ROBO2: variants seen among roughly 807,000 people sequenced by gnomAD.
The protein encoded by ROBO2 is roundabout homolog 2.
A neutral mutation model predicts 160.8 loss-of-function variants in ROBO2; 53 were observed. That is an observed-to-expected ratio of 0.33 (90% CI 0.26 to 0.41). The LOEUF (loss-of-function observed/expected upper bound fraction) is 0.41. Among genes scored for constraint, ROBO2 ranks in the 10% least tolerant of loss-of-function variants. ROBO2 has a pLI of 1.00. For synonymous variants in ROBO2, 664 were observed against 611.7 expected (o/e 1.09, Z -1.26); for missense variants, 1,577 against 1,722.4 (o/e 0.92, Z 1.49).
intron 2 of ROBO2, among the ~76,000 whole-genome samples, chr3:76,855,175 C>G (rs77645526): frequency 0.02 from 3,055 of 152,238 alleles, 89 homozygotes; most frequent in East Asian, 0.12. Flanking sequence ...CATTTCTAAG[C>G]CTTCAAAACA....
At chr3:77,305,250 T>C (rs1321396006) in intron 2 of ROBO2, among the ~76,000 whole-genome samples, 2 of 152,230 alleles carry the variant, frequency 1.3e-5, no homozygotes, top group East Asian at 1.9e-4. Context: ...TTATTGTCAA[T>C]GTGGAATTTT....
intron 2 of ROBO2, among the ~76,000 whole-genome samples, chr3:76,659,483 C>A (rs1300702326): frequency 6.6e-6 from 1 of 151,584 alleles, no homozygotes; most frequent in Non-Finnish European, 1.5e-5. Flanking sequence ...CAGTATATTG[C>A]TCTGTATTCT....
intron 2 of ROBO2, among the ~76,000 whole-genome samples, chr3:77,001,741 C>T (rs897693662): frequency 6.6e-6 from 1 of 152,102 alleles, no homozygotes; most frequent in African/African-American, 2.4e-5. Context: ...CATGAACATC[C>T]TTCTAATCCT....
intron 2 of ROBO2, among the ~76,000 whole-genome samples, chr3:76,171,511 T>C (rs1431769596): frequency 6.6e-6 from 1 of 152,066 alleles, no homozygotes; most frequent in African/African-American, 2.4e-5. Flanking sequence ...AGGAACTTTA[T>C]AATGATTATG....
chr3:76,961,915 T>TA (rs1320089888), intron 2 of ROBO2, among the ~76,000 whole-genome samples: 1 of 152,168 alleles, frequency 6.6e-6, no homozygotes, highest in Non-Finnish European at 1.5e-5. Flanking sequence ...AAATGTGAAA[T>TA]ACGCCTGGTG....
chr3:76,423,616 G>A (rs2076086251), intron 2 of ROBO2, among the ~76,000 whole-genome samples: 1 of 152,168 alleles, frequency 6.6e-6, no homozygotes, highest in Non-Finnish European at 1.5e-5. Context: ...TTGATCACCA[G>A]ATGATTAAAT....
At chr3:76,795,566 T>C (rs747602571) in intron 2 of ROBO2, among the ~76,000 whole-genome samples, 31 of 152,248 alleles carry the variant, frequency 2.0e-4, no homozygotes, top group Non-Finnish European at 4.3e-4. Flanking sequence ...TGTAATGAGA[T>C]TGCAGCAATT....
At chr3:76,270,513 A>C (rs1252995929) in intron 2 of ROBO2, among the ~76,000 whole-genome samples, 1 of 152,096 alleles carries the variant, frequency 6.6e-6, no homozygotes, top group Non-Finnish European at 1.5e-5. Context: ...CCATTATCGT[A>C]GATGATAACT....
At chr3:77,588,707 T>G in intron 16 of ROBO2, 44 bp from the exon 18 acceptor site, 1 of 1,562,042 alleles carries the variant, frequency 6.4e-7, no homozygotes. Context: ...TTCCTGTGCT[T>G]ATTTTCGTTT....
intron 2 of ROBO2, among the ~76,000 whole-genome samples, chr3:76,219,241 A>T (rs980676527): frequency 3.9e-5 from 6 of 152,196 alleles, no homozygotes; most frequent in Non-Finnish European, 5.9e-5. Context: ...AAACTAGGCA[A>T]TACCATTCAG....
chr3:76,534,049 G>C (rs892231958), intron 2 of ROBO2, among the ~76,000 whole-genome samples: 1 of 152,110 alleles, frequency 6.6e-6, no homozygotes, highest in Admixed American at 6.5e-5. Context: ...TAACATTCCT[G>C]TCTTTTTATT....
At chr3:76,402,246 A>G (rs2077871452) in intron 2 of ROBO2, among the ~76,000 whole-genome samples, 1 of 151,500 alleles carries the variant, frequency 6.6e-6, no homozygotes, top group East Asian at 1.9e-4. Context: ...AAGGTGTTAA[A>G]CCAACGTTAT....
chr3:76,273,114 C>T (rs1277805968), intron 2 of ROBO2, among the ~76,000 whole-genome samples: 3 of 106,708 alleles, frequency 2.8e-5, no homozygotes, highest in African/African-American at 8.7e-5. Context: ...TACACACACA[C>T]ATATAAATAT....
At chr3:76,853,946 A>G (rs2069702852) in intron 2 of ROBO2, among the ~76,000 whole-genome samples, 1 of 151,946 alleles carries the variant, frequency 6.6e-6, no homozygotes, top group Non-Finnish European at 1.5e-5. Flanking sequence ...AACAGAGGAA[A>G]TCATTGCTTT....
chr3:77,005,744 C>A (rs2061547083), intron 2 of ROBO2, among the ~76,000 whole-genome samples: 1 of 152,102 alleles, frequency 6.6e-6, no homozygotes, highest in Non-Finnish European at 1.5e-5. Context: ...GAAACCCGAC[C>A]CACAATGTGA....
intron 2 of ROBO2, among the ~76,000 whole-genome samples, chr3:76,337,979 A>G (rs1445270210): frequency 6.6e-6 from 1 of 152,090 alleles, no homozygotes; most frequent in African/African-American, 2.4e-5. Flanking sequence ...AGAAGACTGA[A>G]CTTGTTGTTC....
chr3:76,385,474 C>T (rs1186992502), intron 2 of ROBO2, among the ~76,000 whole-genome samples: 1 of 152,192 alleles, frequency 6.6e-6, no homozygotes, highest in African/African-American at 2.4e-5. Context: ...GTCACCTTAT[C>T]TACCTGACTC....
rs1396305529 is a variant in ROBO2 at position 77,538,137 on chromosome 3, G to A, written c.935-8201G>A. ...AAAAAACAAAAAAAATAGTTAATTA[G>A]AAAGGTAGGTAATTTAGCAATTTGA... On this transcript the variant is annotated intron_variant, in intron 6 of 25. Coordinates refer to ENST00000461745, the Ensembl canonical transcript of ROBO2. Among the ~76,000 whole-genome samples the A allele has an allele frequency of 2.7e-5, 4 of 146,314 alleles. No individual in the cohort carries two copies. In the East Asian group the frequency reaches 8.0e-4, roughly 29 times the overall value.
intron 2 of ROBO2, among the ~76,000 whole-genome samples, chr3:77,394,714 A>G (rs893058319): frequency 1.1e-4 from 16 of 152,148 alleles, no homozygotes; most frequent in Admixed American, 6.6e-5. Context: ...AGGAAAGATA[A>G]CCAAGAATGC....
Sources: allele counts gnomAD v4.1 joint callset (sites outside exome capture counted in the v4.1 genomes callset), GRCh38; gene constraint gnomAD v4.1.1; transcripts MANE v1.5; gene names NCBI Gene and HGNC (gene_info 2026-07-23, HGNC 2026-07-21).